Variants in KCNIP3 observed in about 807,000 individuals in gnomAD.
KCNIP3 encodes potassium voltage-gated channel interacting protein 3.
In KCNIP3, 28 loss-of-function variants were observed where a neutral mutation model predicts 35.0. That is an observed-to-expected ratio of 0.80 (90% confidence interval 0.59 to 1.10). KCNIP3 has a LOEUF of 1.10. KCNIP3 is among the 50% of genes least tolerant of loss of function. The pLI is 0.00. For synonymous variants in KCNIP3, 134 were observed against 133.8 expected (o/e 1.00, Z -0.01); for missense variants, 295 against 338.4 (o/e 0.87, Z 1.01).
chr2:95,356,798 G>A (rs1679665982), intron 2 of KCNIP3, among the ~76,000 whole-genome samples: 2 of 152,198 alleles, frequency 1.3e-5, no homozygotes, highest in South Asian at 4.1e-4. Context: ...CTAGGAGGAG[G>A]CACTTTTGGA....
At chr2:95,350,673 G>A (rs1679492379) in intron 2 of KCNIP3, among the ~76,000 whole-genome samples, 1 of 152,176 alleles carries the variant, frequency 6.6e-6, no homozygotes, top group Non-Finnish European at 1.5e-5. Flanking sequence ...AGGGTAAGTG[G>A]GTGGAGCCGA....
At chr2:95,322,162 C>T (rs1201266140) in intron 2 of KCNIP3, among the ~76,000 whole-genome samples, 1 of 152,006 alleles carries the variant, frequency 6.6e-6, no homozygotes, top group Admixed American at 6.6e-5. Context: ...CCCAGGAGTT[C>T]GAGACCAGCT....
chr2:95,339,032 C>T lies in KCNIP3; in HGVS notation c.181+28512C>T, dbSNP rs372453482. ...ACACAGCCTGGAGCCTTTGTAAAGC[C>T]CTGCCTTGGAGGAAGCTGATGCTCT... On this transcript the variant is annotated intron_variant, in intron 2 of 8. Transcript: ENST00000295225. Among the ~76,000 whole-genome samples, 10 of 152,306 alleles carry T rather than the reference C, an allele frequency of 6.6e-5. No individual in the cohort carries two copies. The East Asian group carries it at 1.2e-3, about 18-fold the overall frequency.
chr2:95,374,644 G>A (rs1355235342), intron 3 of KCNIP3, among the ~76,000 whole-genome samples: 1 of 152,170 alleles, frequency 6.6e-6, no homozygotes, highest in African/African-American at 2.4e-5. Context: ...GTATGGGGGA[G>A]CAGTCACCCC....
intron 1 of KCNIP3, among the ~76,000 whole-genome samples, chr2:95,306,909 C>T (rs762179900): frequency 5.9e-5 from 9 of 152,202 alleles, no homozygotes; most frequent in Non-Finnish European, 1.5e-5. Context: ...TCAGTCAGAC[C>T]CTCTTCCAGA....
At chr2:95,331,490 G>A (rs1289796578) in intron 2 of KCNIP3, among the ~76,000 whole-genome samples, 1 of 152,090 alleles carries the variant, frequency 6.6e-6, no homozygotes, top group African/African-American at 2.4e-5. Context: ...TACATTTGGG[G>A]GTCATCAGCA....
intron 2 of KCNIP3, among the ~76,000 whole-genome samples, chr2:95,333,446 C>A (rs1338121866): frequency 6.6e-6 from 1 of 152,244 alleles, no homozygotes; most frequent in African/African-American, 2.4e-5. Flanking sequence ...ACAGACTGCC[C>A]TGGACCCTGA....
At chr2:95,350,851 G>A (rs1679500673) in intron 2 of KCNIP3, among the ~76,000 whole-genome samples, 1 of 152,226 alleles carries the variant, frequency 6.6e-6, no homozygotes, top group African/African-American at 2.4e-5. Flanking sequence ...ATTTTTAGGA[G>A]TTTCTTGGGG....
At chr2:95,328,064 A>G (rs1349929390) in intron 2 of KCNIP3, among the ~76,000 whole-genome samples, 3 of 152,260 alleles carry the variant, frequency 2.0e-5, no homozygotes, top group Non-Finnish European at 4.4e-5. Flanking sequence ...TCAGGGGAAG[A>G]GAGCAGGGGC....
At position 95,382,044 on chromosome 2, in the gene KCNIP3, G is replaced by A. The variant is rs768457300; in HGVS notation, c.556-333G>A. Reference sequence around the variant, plus strand: ...CCCCATCAAGTGAAGGGGGCAGTGCGGTCCCTTAAGGCATGGGTGGAGAGG... The same window carrying A: ...CCCCATCAAGTGAAGGGGGCAGTGCAGTCCCTTAAGGCATGGGTGGAGAGG... On this transcript the variant is annotated intron_variant, in intron 6 of 8. Coordinates refer to ENST00000295225, the MANE Select transcript of KCNIP3 (RefSeq NM_013434.5). This position sits in a 1 kb window ranked among gnomAD's most constrained non-coding sequence, Gnocchi z 4.5. Among the ~76,000 whole-genome samples, 34 of 152,230 alleles carry A rather than the reference G, an allele frequency of 2.2e-4. No individual in the cohort carries two copies. Among genetic ancestry groups the A allele is most frequent in the Non-Finnish European group, 4.0e-4 (27 of 68,040 alleles).
chr2:95,331,351 CAG>C (rs1216757506), intron 2 of KCNIP3, among the ~76,000 whole-genome samples: 1 of 152,066 alleles, frequency 6.6e-6, no homozygotes, highest in Non-Finnish European at 1.5e-5. Context: ...GTGGGAAAAA[CAG>C]AAGCTGGCCT....
chr2:95,310,502 A>G lies in KCNIP3; in HGVS notation c.163A>G (p.Thr55Ala), dbSNP rs750237595. The G allele has an allele frequency of 4.2e-5, 68 of 1,611,572 alleles. No homozygotes were observed. The Admixed American group carries it at 1.1e-3, about 27-fold the overall frequency. The change falls in exon 2 of 9, where the codon ACA becomes GCA. Residue 55 changes from threonine to alanine, a missense_variant. By Grantham distance (58) the Thr-to-Ala change is moderately conservative. Coordinates refer to ENST00000295225, the MANE Select transcript of KCNIP3 (RefSeq NM_013434.5). ...CCTGGTCAAGTGGATCCTGTCCAGCACAGCCCCACAGGGCTCAGGTAGGGG... is the reference window on the plus strand; with the variant it reads ...CCTGGTCAAGTGGATCCTGTCCAGCGCAGCCCCACAGGGCTCAGGTAGGGG... The part of the protein sequence containing the change: ...CCLVKWILSS[T>A]APQGSDSSDS...
At chr2:95,361,083 A>G (rs1415749205) in intron 2 of KCNIP3, among the ~76,000 whole-genome samples, 1 of 152,238 alleles carries the variant, frequency 6.6e-6, no homozygotes, top group Non-Finnish European at 1.5e-5. Context: ...GCAGTCTTCT[A>G]CAAGTTAACA....
At chr2:95,309,931 G>A (rs1224950819) in intron 1 of KCNIP3, among the ~76,000 whole-genome samples, 1 of 152,194 alleles carries the variant, frequency 6.6e-6, no homozygotes, top group African/African-American at 2.4e-5. Context: ...CTGGGGGAGT[G>A]AGGGAGCCAG....
At chr2:95,343,928 T>G (rs1197269104) in intron 2 of KCNIP3, among the ~76,000 whole-genome samples, 2 of 151,514 alleles carry the variant, frequency 1.3e-5, no homozygotes, top group Admixed American at 6.6e-5. Context: ...GAAAACTTCC[T>G]AAACTAGAGC....
intron 2 of KCNIP3, among the ~76,000 whole-genome samples, chr2:95,346,261 G>A (rs921460139): frequency 2.8e-4 from 42 of 151,768 alleles, no homozygotes; most frequent in African/African-American, 9.9e-4. Flanking sequence ...GCGCGGGGCG[G>A]GCCGGGATCA....
intron 2 of KCNIP3, among the ~76,000 whole-genome samples, chr2:95,333,244 A>C (rs1301799776): frequency 6.6e-6 from 1 of 152,196 alleles, no homozygotes; most frequent in East Asian, 1.9e-4. Flanking sequence ...GCACCTCTAG[A>C]GTGTAAGCTC....
chr2:95,328,436 C>T (rs771333481), intron 2 of KCNIP3, among the ~76,000 whole-genome samples: 7 of 152,234 alleles, frequency 4.6e-5, no homozygotes, highest in Non-Finnish European at 5.9e-5. Context: ...TCTGTCTGAG[C>T]GCCTGGAGGA....
chr2:95,324,515 AATAAATAG>A (rs1393791078), intron 2 of KCNIP3, among the ~76,000 whole-genome samples: 5 of 117,846 alleles, frequency 4.2e-5, no homozygotes, highest in Non-Finnish European at 6.9e-5. Flanking sequence ...TCCGTCTCAA[AATAAATAG>A]ATAAATAAAT....
Sources: gnomAD v4.1 joint callset for allele counts (sites outside exome capture counted in the v4.1 genomes callset) on GRCh38, gnomAD v4.1.1 for gene constraint, Gnocchi (gnomAD v3.1) non-coding constraint, MANE v1.5 for transcripts, NCBI Gene and HGNC (gene_info 2026-07-23, HGNC 2026-07-21) for gene names.